Variants in SMAD2 observed in about 807,000 individuals in gnomAD.
The protein encoded by SMAD2 is MAD homolog 2.
In SMAD2, 8 loss-of-function variants were observed where a neutral mutation model predicts 64.4. The observed-to-expected ratio is 0.12, with a 90% CI of 0.07 to 0.22. SMAD2 has a LOEUF of 0.22. Ranked by LOEUF, SMAD2 falls within the 10% of genes least tolerant of loss-of-function variation. SMAD2 has a pLI of 1.00. For missense variants in SMAD2, 289 were observed against 561.2 expected (o/e 0.51, Z 4.90); for synonymous variants, 203 against 195.8 (o/e 1.04, Z -0.31).
chr18:47,919,468 ATACAC>A (rs1217850303), intron 1 of SMAD2, among the ~76,000 whole-genome samples: 5 of 77,350 alleles, frequency 6.5e-5, no homozygotes, highest in Admixed American at 1.4e-4. Flanking sequence ...AAAAAAAAAA[ATACAC>A]ACACACACAC....
At chr18:47,917,607 T>TG (rs2034387214) in intron 1 of SMAD2, among the ~76,000 whole-genome samples, 1 of 152,214 alleles carries the variant, frequency 6.6e-6, no homozygotes, top group Non-Finnish European at 1.5e-5. Context: ...CCCACTGACT[T>TG]GGAGTTATAC....
intron 1 of SMAD2, among the ~76,000 whole-genome samples, chr18:47,924,324 T>C (rs2034678384): frequency 1.3e-5 from 2 of 151,516 alleles, no homozygotes; most frequent in Non-Finnish European, 2.9e-5. Context: ...AGATAAAGTA[T>C]CTCTAGTCAA....
chr18:47,817,057 G>C lies in SMAD2; in HGVS notation c.*24770C>G, dbSNP rs191240853. 6.6e-6 allele frequency: 1 copy of C among 152,244 alleles called. No homozygotes were observed. The highest frequency in any genetic ancestry group is 2.4e-5 in the African/African-American group (1 of 41,550). 9.4% of individuals were successfully genotyped at this position (152,244 alleles called of 1,614,324 possible). ...ATTACAGGCATAAGCCACCGCGCAC[G>C]GCCCATGACATGCGTATTTCTACAG... On this transcript the variant is annotated 3_prime_UTR_variant, in exon 11 of 11. Transcript: ENST00000262160.
rs2144288348 is a variant in SMAD2 at position 47,845,484 on chromosome 18, C to T, written c.1136G>A (p.Gly379Asp). ...GTTGTTGAAGATCTTCAGATTACAGCCTATGATTAAAAAAGGTAAAAGAAA... is the reference window on the plus strand; with the variant it reads ...GTTGTTGAAGATCTTCAGATTACAGTCTATGATTAAAAAAGGTAAAAGAAA... ...HPATVCKIPP[G>D]CNLKIFNNQE... The change falls in exon 10 of 11, where the codon GGC becomes GAC. Residue 379 changes from glycine to aspartate, a missense_variant and splice_region_variant. By Grantham distance (94) the Gly-to-Asp change is moderately conservative. This residue lies in a region of SMAD2 where 49 missense variants were observed against 101.1 expected (regional missense o/e 0.48). Coordinates refer to ENST00000262160, the MANE Select transcript of SMAD2 (RefSeq NM_005901.6). The T allele has an allele frequency of 4.3e-6, 7 of 1,612,646 alleles. No homozygotes were observed. Among genetic ancestry groups the T allele is most frequent in the Non-Finnish European group, 5.9e-6 (7 of 1,178,946 alleles).
In SMAD2 at chr18:47,841,134, G is replaced by T. The variant is rs1170854585; in HGVS notation, c.*693C>A. ...TTTCAGTATGGTTTCCTTATAATAAGATTTAGCAGTTAAAAAAAAAAACAA... is the reference window on the plus strand; with the variant it reads ...TTTCAGTATGGTTTCCTTATAATAATATTTAGCAGTTAAAAAAAAAAACAA... On this transcript the variant is annotated 3_prime_UTR_variant, in exon 11 of 11. Coordinates refer to ENST00000262160, the MANE Select transcript of SMAD2 (RefSeq NM_005901.6). 8 of 225,446 alleles carry T rather than the reference G, an allele frequency of 3.5e-5. No individual in the cohort carries two copies. The highest frequency in any genetic ancestry group is 1.2e-4 in the Admixed American group (2 of 16,690). 14.0% of individuals were successfully genotyped at this position (225,446 alleles called of 1,614,324 possible).
At chr18:47,864,051 G>C (rs2031382500) in intron 6 of SMAD2, among the ~76,000 whole-genome samples, 1 of 152,058 alleles carries the variant, frequency 6.6e-6, no homozygotes, top group South Asian at 2.1e-4. Context: ...CACAGTAACA[G>C]CTGTCCATCA....
Position 47,820,548 on chromosome 18 carries a change from C to T in SMAD2, c.*21279G>A, listed in dbSNP as rs1912533031. 1 of 152,082 alleles carries T rather than the reference C, an allele frequency of 6.6e-6. No homozygotes were observed. 9.4% of individuals were successfully genotyped at this position (152,082 alleles called of 1,614,324 possible). A position where few individuals can be genotyped will look rare whatever the true frequency, so the allele number is the denominator to read the frequency against. The stretch of plus-strand genomic sequence containing the variant: ...GGAAGTTAATGGGTGTGAGAATGTA[C>T]CTTTGGTAAGGAAGGTTACAAAATT... On this transcript the variant is annotated 3_prime_UTR_variant, in exon 11 of 11. Coordinates refer to ENST00000262160, the MANE Select transcript of SMAD2 (RefSeq NM_005901.6).
rs1010155260 is a variant in SMAD2 at position 47,818,894 on chromosome 18, A to C, written c.*22933T>G. Reference sequence around the variant, plus strand: ...TTTCTCAGAAATATAATTTGAATCCAATAACTGTCTTTTATAAACCAGCAA... The same window carrying C: ...TTTCTCAGAAATATAATTTGAATCCCATAACTGTCTTTTATAAACCAGCAA... On this transcript the variant is annotated 3_prime_UTR_variant, in exon 11 of 11. Transcript: ENST00000262160. 5.9e-5 allele frequency: 9 copies of C among 152,250 alleles called. No individual in the cohort carries two copies. Among genetic ancestry groups the C allele is most frequent in the Non-Finnish European group, 8.8e-5 (6 of 68,052 alleles). 9.4% of individuals were successfully genotyped at this position (152,250 alleles called of 1,614,324 possible).
intron 5 of SMAD2, chr18:47,867,382 A>G (rs1401622163): frequency 6.6e-6 from 1 of 152,132 alleles, no homozygotes; most frequent in South Asian, 2.1e-4. Context: ...TCTTCAATGA[A>G]TAAGCATTAT....
At position 47,820,802 on chromosome 18, in the gene SMAD2, T is replaced by G. The variant is rs1912543283; in HGVS notation, c.*21025A>C. ...TAAGACATTGAGCTTACATATATAC[T>G]TGTACATATGTATATGTACAATAAT... On this transcript the variant is annotated 3_prime_UTR_variant, in exon 11 of 11. Transcript: ENST00000262160. 6.6e-6 allele frequency: 1 copy of G among 152,072 alleles called. No individual in the cohort carries two copies. 9.4% of individuals were successfully genotyped at this position (152,072 alleles called of 1,614,324 possible). A position where few individuals can be genotyped will look rare whatever the true frequency, so the allele number is the denominator to read the frequency against.
At position 47,813,711 on chromosome 18, in the gene SMAD2, A is replaced by ATTTTTTTTTTTTTTTTT. The variant is rs11349317; in HGVS notation, c.*28099_*28115dup. ...ATGAGCCACTGTACCCGGCCCCACA[A>ATTTTTTTTTTTTTTTTT]TTTTTTTTTTTTTTTTTTTTTGGAG... is the stretch of plus-strand genomic sequence containing the variant. On this transcript the variant is annotated 3_prime_UTR_variant, in exon 11 of 11. Transcript: ENST00000262160. 5.8e-4 allele frequency: 49 copies of ATTTTTTTTTTTTTTTTT among 84,574 alleles called. 5 individuals are homozygous for ATTTTTTTTTTTTTTTTT. The highest frequency in any genetic ancestry group is 3.3e-3 in the South Asian group (7 of 2,094). 5.2% of individuals were successfully genotyped at this position (84,574 alleles called of 1,614,324 possible).
intron 6 of SMAD2, among the ~76,000 whole-genome samples, chr18:47,863,944 T>C (rs1405534281): frequency 6.6e-6 from 1 of 152,146 alleles, no homozygotes; most frequent in Non-Finnish European, 1.5e-5. Context: ...CATTTGTTAT[T>C]GTCCTTTTTT....
At chr18:47,930,734 C>T (rs1436235671), upstream of SMAD2, 1 of 147,718 alleles carries the variant, frequency 6.8e-6, no homozygotes, top group African/African-American at 2.4e-5. Flanking sequence ...CGCCCTCCCC[C>T]GCCAGCCCAC....
Position 47,841,391 on chromosome 18 carries a change from A to C in SMAD2, c.*436T>G, listed in dbSNP as rs1913938305. ...AATAACAGAGAAGTGGGAATAACAG[A>C]TTAGGTACTGCAACTTTATAAAGGT... On this transcript the variant is annotated 3_prime_UTR_variant, in exon 11 of 11. Transcript: ENST00000262160. The C allele has an allele frequency of 4.0e-6, 1 of 251,046 alleles. No individual in the cohort carries two copies. The highest frequency in any genetic ancestry group is 1.3e-4 in the South Asian group (1 of 7,478). The allele number at this position is 251,046 out of a possible 1,614,324, so 15.6% of individuals were successfully genotyped here.
chr18:47,893,861 A>C (rs1287890467), intron 2 of SMAD2, among the ~76,000 whole-genome samples: 3 of 152,252 alleles, frequency 2.0e-5, no homozygotes, highest in Admixed American at 6.5e-5. Context: ...ATCTAAAAAA[A>C]CCACCAAATT....
At chr18:47,907,149 A>C (rs947553644) in intron 1 of SMAD2, among the ~76,000 whole-genome samples, 14 of 152,186 alleles carry the variant, frequency 9.2e-5, no homozygotes, top group Admixed American at 9.2e-4. Context: ...AAGTTCCAAA[A>C]AGTTAAACAT....
At position 47,825,758 on chromosome 18, in the gene SMAD2, G is replaced by A. The variant is rs142222651; in HGVS notation, c.*16069C>T. ...CTTGGAAGCAGAAACTTGACTCTCC[G>A]GGCAAGATAACTGTTGTCTTTTTAA... On this transcript the variant is annotated 3_prime_UTR_variant, in exon 11 of 11. Transcript: ENST00000262160. 6.6e-5 allele frequency: 10 copies of A among 152,232 alleles called. No homozygotes were observed. The highest frequency in any genetic ancestry group is 4.1e-4 in the South Asian group (2 of 4,822). The allele number at this position is 152,232 out of a possible 1,614,324, so 9.4% of individuals were successfully genotyped here.
At chr18:47,886,561 ATATCTATCCATCTATC>A (rs2032909263) in intron 2 of SMAD2, among the ~76,000 whole-genome samples, 2 of 135,114 alleles carry the variant, frequency 1.5e-5, no homozygotes, top group African/African-American at 2.8e-5. Flanking sequence ...AACTATATCT[ATATCTATCCATCTATC>A]TATCTATCTA....
chr18:47,857,956 T>C (rs146565986), intron 6 of SMAD2, among the ~76,000 whole-genome samples: 4 of 152,262 alleles, frequency 2.6e-5, no homozygotes, highest in Non-Finnish European at 5.9e-5. Flanking sequence ...GAAACCTGAG[T>C]GATGTGACAT....
Sources: gnomAD v4.1 joint callset for allele counts (sites outside exome capture counted in the v4.1 genomes callset) on GRCh38, gnomAD v4.1.1 for gene constraint, gnomAD v4.1.1 regional missense constraint, MANE v1.5 for transcripts, NCBI Gene and HGNC (gene_info 2026-07-23, HGNC 2026-07-21) for gene names.